KIF11: variants seen among roughly 807,000 people sequenced by gnomAD.
The protein encoded by KIF11 is kinesin family member 11, also known as kinesin-like protein KIF11.
A neutral mutation model predicts 121.0 loss-of-function variants in KIF11; 9 were observed. The ratio of observed to expected loss-of-function variants is 0.07; its 90% CI spans 0.04 to 0.13. The LOEUF is 0.13. KIF11 is among the 10% of genes least tolerant of loss of function. The pLI is 1.00. For missense variants in KIF11, 846 were observed against 1,217.5 expected, an observed-to-expected ratio of 0.69 and a Z score of 4.54; for synonymous variants, 408 against 421.0, an observed-to-expected ratio of 0.97 and a Z score of 0.38.
rs370910633 is a variant in KIF11 at position 92,630,214 on chromosome 10, C to T, written c.1344C>T (p.Asp448=). Residue 448 remains aspartate (D), a synonymous_variant, in exon 12 of 22, where the codon GAC becomes GAT. Coordinates refer to ENST00000260731, the MANE Select transcript of KIF11 (RefSeq NM_004523.4). ...ELFMDNKNEL[D]QCKSDLQNKT... Reference sequence around the variant, plus strand: ...TTATGGATAATAAAAATGAACTTGACCAGTGTAAATCTGACCTGCAAAATA... The same window carrying T: ...TTATGGATAATAAAAATGAACTTGATCAGTGTAAATCTGACCTGCAAAATA... 11 of 1,587,328 alleles carry T rather than the reference C, an allele frequency of 6.9e-6. No individual in the cohort carries two copies. The highest frequency in any genetic ancestry group is 9.4e-6 in the Non-Finnish European group (11 of 1,169,766).
chr10:92,593,551 G>T, intron 1 of KIF11, 99 bp downstream of exon 1: 5 of 1,025,042 alleles, frequency 4.9e-6, no homozygotes, highest in Non-Finnish European at 7.1e-6. Context: ...ATTTCCTGAG[G>T]GTCCCAGTTT....
At chr10:92,597,581 C>A (rs1052205075) in intron 1 of KIF11, among the ~76,000 whole-genome samples, 4 of 151,632 alleles carry the variant, frequency 2.6e-5, no homozygotes, top group African/African-American at 9.7e-5. Context: ...CTTTTTTTTA[C>A]CTTGATCTTG....
rs762271878 is a variant in KIF11, at chr10:92,648,305, C to G, written c.2641C>G (p.Leu881Val). The G allele has an allele frequency of 8.1e-6, 13 of 1,612,486 alleles. No homozygotes were observed. The highest frequency in any genetic ancestry group is 1.0e-5 in the Non-Finnish European group (12 of 1,178,700). The change falls in exon 19 of 22, where the codon CTT (leucine) becomes GTT (valine). Residue 881 changes from leucine to valine, a missense_variant. Leu to Val is a conservative substitution (Grantham distance 32, BLOSUM62 1). Transcript: ENST00000260731. ...TCATGAGAAACAGCATAACATTTTT[C>G]TTGATCAGATGACTATTGATGAAGA... ...AAHEKQHNIF[L>V]DQMTIDEDKL...
chr10:92,651,435 A>G (rs1299058529), intron 21 of KIF11, among the ~76,000 whole-genome samples: 1 of 146,080 alleles, frequency 6.8e-6, no homozygotes, highest in Non-Finnish European at 1.5e-5. Flanking sequence ...TCCTGGGTTC[A>G]AGTGATTCTC....
At chr10:92,599,391 G>T (rs1832005599) in intron 1 of KIF11, among the ~76,000 whole-genome samples, 1 of 151,218 alleles carries the variant, frequency 6.6e-6, no homozygotes, top group Non-Finnish European at 1.5e-5. Flanking sequence ...CATGCATCGT[G>T]GCGCGTGCCT....
intron 1 of KIF11, among the ~76,000 whole-genome samples, chr10:92,604,364 G>C (rs953159030): frequency 1.3e-5 from 2 of 152,152 alleles, no homozygotes; most frequent in African/African-American, 4.8e-5. Flanking sequence ...TAGTTTAGGG[G>C]ATGCCAAAAA....
intron 12 of KIF11, among the ~76,000 whole-genome samples, chr10:92,631,354 A>AT (rs1247892671): frequency 0.13 from 17,287 of 131,932 alleles, 2,650 homozygotes; most frequent in African/African-American, 0.36. Flanking sequence ...AAAGTATTTA[A>AT]TTTTTTTTTT....
chr10:92,650,121 G>A (rs1844965414), intron 20 of KIF11, 135 bp downstream of exon 20: 1 of 658,666 alleles, frequency 1.5e-6, no homozygotes, highest in Non-Finnish European at 2.5e-6. Flanking sequence ...TAGCCCTTAG[G>A]CTTGTTTCTT....
intron 19 of KIF11, among the ~76,000 whole-genome samples, chr10:92,649,525 G>A (rs1285723046): frequency 4.6e-5 from 7 of 152,220 alleles, no homozygotes; most frequent in African/African-American, 1.7e-4. Flanking sequence ...TTCCAATAAT[G>A]CTGCCATTTT....
intron 1 of KIF11, among the ~76,000 whole-genome samples, chr10:92,601,895 C>T (rs1844377931): frequency 6.6e-6 from 1 of 151,940 alleles, no homozygotes; most frequent in Admixed American, 6.6e-5. Context: ...ATTATGTTTG[C>T]TGTGGGTTTT....
At chr10:92,606,465 G>T in intron 2 of KIF11, 68 bp downstream of exon 2, 1 of 1,361,986 alleles carries the variant, frequency 7.3e-7, no homozygotes. Context: ...TATTTTACCT[G>T]GAAAATGGTG....
chr10:92,625,514 A>G (rs1336678634), intron 10 of KIF11, among the ~76,000 whole-genome samples: 2 of 151,770 alleles, frequency 1.3e-5, no homozygotes, highest in Non-Finnish European at 1.5e-5. Context: ...ATGCCCGGCT[A>G]ATTTTTGTAT....
chr10:92,642,360 C>G (rs190726302), intron 17 of KIF11, among the ~76,000 whole-genome samples: 345 of 152,144 alleles, frequency 2.3e-3, no homozygotes, highest in Non-Finnish European at 4.1e-3. Context: ...TTTTTAGAGC[C>G]CTTGCAGTGT....
intron 10 of KIF11, among the ~76,000 whole-genome samples, chr10:92,625,456 C>G (rs1164482560): frequency 6.6e-6 from 1 of 151,540 alleles, no homozygotes; most frequent in Non-Finnish European, 1.5e-5. Context: ...TCAAGCGATT[C>G]TCCTGCCTCA....
Position 92,621,625 on chromosome 10 carries a change from A to G in KIF11, c.1217+152A>G, listed in dbSNP as rs934745455. The G allele has an allele frequency of 3.4e-5, 17 of 502,812 alleles. No individual in the cohort carries two copies. The Admixed American group carries it at 4.0e-4, about 12-fold the overall frequency. 31.1% of individuals were successfully genotyped at this position (502,812 alleles called of 1,614,324 possible). A position where few individuals can be genotyped will look rare whatever the true frequency, so the allele number is the denominator to read the frequency against. ...GTGTGTGTGTGTTTTCTTTTGAGAC[A>G]AGGTCTCGCACTGTCACCCAGACTG... is the stretch of plus-strand genomic sequence containing the variant. On this transcript the variant is annotated intron_variant, in intron 10 of 21. Coordinates refer to ENST00000260731, the MANE Select transcript of KIF11 (RefSeq NM_004523.4).
Position 92,651,514 on chromosome 10 carries a change from T to A in KIF11, c.3039+997T>A, listed in dbSNP as rs1173181982. Among the ~76,000 whole-genome samples the A allele has an allele frequency of 1.8e-3, 79 of 44,338 alleles. 8 individuals are homozygous for A. Among genetic ancestry groups the A allele is most frequent in the African/African-American group, 0.012 (67 of 5,556 alleles). The allele number at this position is 44,338 out of a possible 152,430, so 29.1% of individuals were successfully genotyped here. A position where few individuals can be genotyped will look rare whatever the true frequency, so the allele number is the denominator to read the frequency against. The stretch of plus-strand genomic sequence containing the variant: ...CCATGCCTGGCTAATTTTGTTTTTT[T>A]TTTTTTTTTTTTTTTTTTTTTTTTT... On this transcript the variant is annotated intron_variant, in intron 21 of 21. Transcript: ENST00000260731.
chr10:92,613,371 T>C lies in KIF11; in HGVS notation c.790-6T>C, dbSNP rs767864142. ...TCACTTTTTATTTTTATTTTTAAAA[T>C]TAAAGGTTGATCTTGCAGGAAGTGA... On this transcript the variant is annotated splice_polypyrimidine_tract_variant and splice_region_variant and intron_variant, in intron 7 of 21. Coordinates refer to ENST00000260731, the MANE Select transcript of KIF11 (RefSeq NM_004523.4). The surrounding 1 kb of genome is among the most constrained non-coding windows in gnomAD (Gnocchi z 4.2). The C allele has an allele frequency of 1.9e-6, 3 of 1,575,214 alleles. No individual in the cohort carries two copies. Among genetic ancestry groups the C allele is most frequent in the Non-Finnish European group, 2.6e-6 (3 of 1,159,046 alleles).
At chr10:92,651,531 T>A (rs1248092439) in intron 21 of KIF11, among the ~76,000 whole-genome samples, 23 of 115,874 alleles carry the variant, frequency 2.0e-4, no homozygotes, top group Non-Finnish European at 2.3e-4. Flanking sequence ...TTTTTTTTTT[T>A]TTTTTTTTTT....
At chr10:92,639,637 T>C (rs1284032738) in intron 16 of KIF11, among the ~76,000 whole-genome samples, 157 bp from the exon 17 acceptor site, 3 of 152,144 alleles carry the variant, frequency 2.0e-5, no homozygotes, top group African/African-American at 7.2e-5. Context: ...CTTCCACTGC[T>C]TTCCTCTGTA....
Sources: allele counts gnomAD v4.1 joint callset (sites outside exome capture counted in the v4.1 genomes callset), GRCh38; gene constraint gnomAD v4.1.1; non-coding constraint Gnocchi (gnomAD v3.1); transcripts MANE v1.5; gene names NCBI Gene and HGNC (gene_info 2026-07-23, HGNC 2026-07-21).